The following CTNND2 variants were observed in gnomAD, a reference collection of about 807,000 sequenced individuals.
The protein encoded by CTNND2 is catenin delta-2.
CTNND2 carries 22 observed loss-of-function variants against 144.4 expected under a neutral mutation model. That is an observed-to-expected ratio of 0.15 (90% CI 0.11 to 0.22). The LOEUF (loss-of-function observed/expected upper bound fraction) is 0.22. CTNND2 is among the 10% of genes least tolerant of loss of function. The probability of loss-of-function intolerance (pLI) is 1.00; values close to 1 mark genes in which losing one functional copy is unlikely to be tolerated. For missense variants in CTNND2, 1,353 were observed against 1,618.8 expected (o/e 0.84, Z 2.82); for synonymous variants, 751 against 695.6 (o/e 1.08, Z -1.25).
At chr5:10,976,598 T>C (rs1359790527) in intron 21 of CTNND2, among the ~76,000 whole-genome samples, 2 of 152,234 alleles carry the variant, frequency 1.3e-5, no homozygotes, top group Non-Finnish European at 2.9e-5. Context: ...TCACGCTCTC[T>C]GCGCTCTGTT....
At chr5:11,011,624 C>T (rs1056133282) in intron 18 of CTNND2, among the ~76,000 whole-genome samples, 1 of 152,174 alleles carries the variant, frequency 6.6e-6, no homozygotes, top group Non-Finnish European at 1.5e-5. Flanking sequence ...ATAAGCTGAA[C>T]ATTGGAAAAA....
chr5:11,396,294 G>A (rs980157807), intron 6 of CTNND2, among the ~76,000 whole-genome samples: 1 of 152,044 alleles, frequency 6.6e-6, no homozygotes. Flanking sequence ...ATACTCTGGT[G>A]GGTACCTCAA....
chr5:11,380,191 G>C (rs72732910), intron 7 of CTNND2, among the ~76,000 whole-genome samples: 1 of 152,112 alleles, frequency 6.6e-6, no homozygotes, highest in African/African-American at 2.4e-5. Flanking sequence ...TGGCTGTTCC[G>C]AAACTAAGTC....
intron 16 of CTNND2, among the ~76,000 whole-genome samples, chr5:11,026,550 T>C (rs1742856409): frequency 6.6e-6 from 1 of 151,694 alleles, no homozygotes; most frequent in Non-Finnish European, 1.5e-5. Flanking sequence ...ATAGATGGGG[T>C]TTCACCATGT....
At chr5:11,867,114 T>C (rs985164940) in intron 1 of CTNND2, among the ~76,000 whole-genome samples, 3 of 152,236 alleles carry the variant, frequency 2.0e-5, no homozygotes, top group Non-Finnish European at 4.4e-5. Flanking sequence ...CATAATGACC[T>C]TTCTTGACTA....
At chr5:11,205,558 T>C (rs1463753826) in intron 10 of CTNND2, among the ~76,000 whole-genome samples, 2 of 152,184 alleles carry the variant, frequency 1.3e-5, no homozygotes, top group East Asian at 3.8e-4. Context: ...CAGATGTATG[T>C]AGAAATTGCA....
chr5:11,627,342 C>T (rs1046275446), intron 2 of CTNND2, among the ~76,000 whole-genome samples: 4 of 152,182 alleles, frequency 2.6e-5, no homozygotes, highest in African/African-American at 9.6e-5. Flanking sequence ...AGCAGTTCTT[C>T]AGTGGCTCCA....
chr5:11,338,924 A>ATTTTTTT, intron 9 of CTNND2, among the ~76,000 whole-genome samples: 1 of 4,096 alleles, frequency 2.4e-4, no homozygotes, highest in Non-Finnish European at 3.2e-4. Flanking sequence ...CAGTTCCTTC[A>ATTTTTTT]TTTTTTTTTT....
chr5:11,047,911 C>T (rs1745437542), intron 16 of CTNND2, among the ~76,000 whole-genome samples: 2 of 152,158 alleles, frequency 1.3e-5, no homozygotes, highest in Non-Finnish European at 2.9e-5. Context: ...CTGTTGTTTT[C>T]GCTTCCTGCA....
intron 2 of CTNND2, among the ~76,000 whole-genome samples, chr5:11,598,625 G>A (rs894190438): frequency 1.6e-4 from 25 of 152,176 alleles, no homozygotes; most frequent in African/African-American, 5.5e-4. Flanking sequence ...TGAGGGAAAG[G>A]AGGAAGTGTC....
chr5:11,861,279 C>A (rs1271990094), intron 1 of CTNND2, among the ~76,000 whole-genome samples: 1 of 152,148 alleles, frequency 6.6e-6, no homozygotes, highest in Non-Finnish European at 1.5e-5. Context: ...TCTGATAAAC[C>A]TCTGCCACAT....
At chr5:11,327,850 C>T (rs541354981) in intron 9 of CTNND2, among the ~76,000 whole-genome samples, 11 of 152,158 alleles carry the variant, frequency 7.2e-5, no homozygotes, top group Non-Finnish European at 1.0e-4. Context: ...GCATTTCTAA[C>T]CAGCACCCAG....
chr5:11,475,061 T>C (rs1405327161), intron 3 of CTNND2, among the ~76,000 whole-genome samples: 1 of 152,238 alleles, frequency 6.6e-6, no homozygotes, highest in Admixed American at 6.5e-5. Context: ...AAAGTCCTTT[T>C]AGCTAGAGGT....
At chr5:11,781,284 A>G (rs1424442007) in intron 1 of CTNND2, among the ~76,000 whole-genome samples, 1 of 152,186 alleles carries the variant, frequency 6.6e-6, no homozygotes, top group Non-Finnish European at 1.5e-5. Flanking sequence ...AAAATAAAAA[A>G]TAAAGCTTAT....
Position 11,233,747 on chromosome 5 carries a change from T to TG in CTNND2, c.1761+2943_1761+2944insC, listed in dbSNP as rs1561063318. 1.6e-4 allele frequency among the ~76,000 whole-genome samples: 24 copies of TG among 150,378 alleles called. No individual in the cohort carries two copies. In the South Asian group the frequency reaches 2.6e-3, roughly 16 times the overall value. ...GTGTGTGTGTGTGTGTGTGTGTGTG[T>TG]ATGTGTATATGCACATATGCACGCC... On this transcript the variant is annotated intron_variant, in intron 10 of 21. Transcript: ENST00000304623.
intron 14 of CTNND2, among the ~76,000 whole-genome samples, chr5:11,101,194 C>T (rs1751844182): frequency 6.6e-6 from 1 of 152,098 alleles, no homozygotes. Flanking sequence ...TATCTGGGTA[C>T]TTTATTCAAA....
intron 7 of CTNND2, among the ~76,000 whole-genome samples, chr5:11,380,539 C>A (rs1716234174): frequency 6.6e-6 from 1 of 152,162 alleles, no homozygotes; most frequent in Non-Finnish European, 1.5e-5. Flanking sequence ...GCTTTCCACT[C>A]AGGTAGCTCT....
At chr5:11,826,471 A>G (rs898425835) in intron 1 of CTNND2, among the ~76,000 whole-genome samples, 1 of 152,200 alleles carries the variant, frequency 6.6e-6, no homozygotes, top group East Asian at 1.9e-4. Flanking sequence ...ATATAACACA[A>G]TGATCAAAAT....
chr5:11,709,615 A>G (rs1466715399), intron 2 of CTNND2, among the ~76,000 whole-genome samples: 2 of 152,194 alleles, frequency 1.3e-5, no homozygotes, highest in Non-Finnish European at 2.9e-5. Flanking sequence ...CAAAAACAAC[A>G]TAAAAAGTTA....
Sources: gnomAD v4.1 joint callset for allele counts (sites outside exome capture counted in the v4.1 genomes callset) on GRCh38, gnomAD v4.1.1 for gene constraint, MANE v1.5 for transcripts, NCBI Gene and HGNC (gene_info 2026-07-23, HGNC 2026-07-21) for gene names.